The following SKA2 variants were observed in gnomAD, a reference collection of about 807,000 sequenced individuals.
The protein encoded by SKA2 is spindle and kinetochore associated complex subunit 2, also known as spindle and kinetochore-associated protein 2.
Under a neutral mutation model 16.9 loss-of-function variants are expected in SKA2, and 13 were observed. That is an observed-to-expected ratio of 0.77 (90% CI 0.50 to 1.22). SKA2 has a LOEUF of 1.22. SKA2 is among the 50% of genes most tolerant of loss of function. The probability of loss-of-function intolerance (pLI) is 0.00; values close to 1 mark genes in which losing one functional copy is unlikely to be tolerated. For synonymous variants in SKA2, 47 were observed against 48.5 expected (o/e 0.97, Z 0.13); for missense variants, 107 against 139.7 (o/e 0.77, Z 1.18).
chr17:59,154,962 C>T (rs760592346), intron 1 of SKA2, 169 bp downstream of exon 1: 1 of 1,613,914 alleles, frequency 6.2e-7, no homozygotes, highest in Non-Finnish European at 8.5e-7. Flanking sequence ...TTACCCGAGG[C>T]GGTTTAGACA....
intron 1 of SKA2, among the ~76,000 whole-genome samples, chr17:59,146,971 A>G (rs1295415209): frequency 1.3e-5 from 2 of 152,154 alleles, no homozygotes; most frequent in African/African-American, 2.4e-5. Context: ...CACCTAGCCA[A>G]TCTGGGATGG....
chr17:59,127,042 G>A (rs2046376855), intron 2 of SKA2, among the ~76,000 whole-genome samples: 1 of 152,178 alleles, frequency 6.6e-6, no homozygotes, highest in South Asian at 2.1e-4. Flanking sequence ...CTACTTATAT[G>A]AGTCCCTAGA....
chr17:59,116,635 G>T (rs2046298036), intron 3 of SKA2, among the ~76,000 whole-genome samples: 1 of 151,912 alleles, frequency 6.6e-6, no homozygotes, highest in Admixed American at 6.6e-5. Context: ...ATTATAGCAA[G>T]ATAATACCTG....
intron 1 of SKA2, chr17:59,137,754 G>A (rs1374516371): frequency 1.9e-6 from 1 of 523,192 alleles, no homozygotes; most frequent in Non-Finnish European, 3.9e-6. Flanking sequence ...CATACTTTCT[G>A]CAGCCTGCCC....
chr17:59,143,724 C>T (rs756201898), intron 1 of SKA2, among the ~76,000 whole-genome samples: 1 of 152,000 alleles, frequency 6.6e-6, no homozygotes, highest in Non-Finnish European at 1.5e-5. Context: ...CCTCTCGCCA[C>T]GGCCTCCCAA....
intron 2 of SKA2, among the ~76,000 whole-genome samples, chr17:59,121,459 A>G (rs1214692211): frequency 6.6e-6 from 1 of 152,030 alleles, no homozygotes; most frequent in Non-Finnish European, 1.5e-5. Flanking sequence ...GTTCGAGACC[A>G]GCCTGGCCAA....
chr17:59,154,964 G>A (rs776352377), intron 1 of SKA2, 167 bp downstream of exon 1: 1 of 1,613,966 alleles, frequency 6.2e-7, no homozygotes. Context: ...ACCCGAGGCG[G>A]TTTAGACACC....
intron 2 of SKA2, among the ~76,000 whole-genome samples, chr17:59,123,033 A>G (rs981384757): frequency 2.3e-4 from 35 of 150,960 alleles, no homozygotes; most frequent in African/African-American, 7.7e-4. Context: ...AAAAAAAAAA[A>G]AAAAAAGAAA....
At chr17:59,114,339 G>A (rs1245711708) in intron 3 of SKA2, among the ~76,000 whole-genome samples, 1 of 152,152 alleles carries the variant, frequency 6.6e-6, no homozygotes, top group Non-Finnish European at 1.5e-5. Context: ...GAAATGCATC[G>A]TTAGGCAGTT....
In SKA2 at chr17:59,111,457, AAAAT is replaced by A. The variant is rs1394897385; in HGVS notation, c.*816_*819del. 1 of 152,214 alleles carries A rather than the reference AAAAT, an allele frequency of 6.6e-6. No homozygotes were observed. Among genetic ancestry groups the A allele is most frequent in the Non-Finnish European group, 1.5e-5 (1 of 68,044 alleles). 9.4% of individuals were successfully genotyped at this position (152,214 alleles called of 1,614,324 possible). A position where few individuals can be genotyped will look rare whatever the true frequency, so the allele number is the denominator to read the frequency against. ...TTTCCTTATTGCCAATAGTTATTTT[AAAAT>A]AAATAGTTATTTTAAAGGGAAATTG... On this transcript the variant is annotated 3_prime_UTR_variant, in exon 4 of 4. Transcript: ENST00000330137.
chr17:59,114,174 T>TA (rs1190072969), intron 3 of SKA2, among the ~76,000 whole-genome samples: 2 of 152,116 alleles, frequency 1.3e-5, no homozygotes, highest in Non-Finnish European at 2.9e-5. Flanking sequence ...CACTGTTAGT[T>TA]AAAAAATAAA....
At chr17:59,129,217 T>C (rs1486437775) in intron 2 of SKA2, 2 of 152,094 alleles carry the variant, frequency 1.3e-5, no homozygotes, top group Admixed American at 1.3e-4. Context: ...GGTGTGGTGG[T>C]GTGTGCCTAT....
At chr17:59,127,136 A>G (rs1203369635) in intron 2 of SKA2, among the ~76,000 whole-genome samples, 1 of 151,760 alleles carries the variant, frequency 6.6e-6, no homozygotes, top group Non-Finnish European at 1.5e-5. Flanking sequence ...TTTAATGGAT[A>G]TACAGTTACA....
chr17:59,131,146 A>G (rs2091382441), intron 2 of SKA2, 135 bp downstream of exon 2: 1 of 595,738 alleles, frequency 1.7e-6, no homozygotes, highest in African/African-American at 1.9e-5. Context: ...CTTCCAACAC[A>G]ATGCAAGATT....
At chr17:59,127,522 G>A (rs2046379815) in intron 2 of SKA2, among the ~76,000 whole-genome samples, 1 of 152,096 alleles carries the variant, frequency 6.6e-6, no homozygotes, top group Non-Finnish European at 1.5e-5. Flanking sequence ...CCAAGTAGCT[G>A]GGGTTACAGG....
rs1280929273 is a variant in SKA2, at chr17:59,115,793, C to A, written c.298-3448G>T. Among the ~76,000 whole-genome samples the A allele has an allele frequency of 3.3e-5, 5 of 152,138 alleles. 1 individual carries two copies. Among genetic ancestry groups the A allele is most frequent in the Non-Finnish European group, 7.3e-5 (5 of 68,028 alleles). On this transcript the variant is annotated intron_variant, in intron 3 of 3. Coordinates refer to ENST00000330137, the MANE Select transcript of SKA2 (RefSeq NM_182620.4). Reference sequence around the variant, plus strand: ...ATGAATCCACATTGCCCCTTGTGATCACTACAAAAGCTTTCAGACCATCTG... The same window carrying A: ...ATGAATCCACATTGCCCCTTGTGATAACTACAAAAGCTTTCAGACCATCTG...
Position 59,115,048 on chromosome 17 carries a change from T to G in SKA2, c.298-2703A>C, listed in dbSNP as rs560141633. ...ATTTCTTTTCTTCTTTTTTTCGTTC[T>G]TTCTTCCTTTTTTTTTTTTTTTTTA... On this transcript the variant is annotated intron_variant, in intron 3 of 3. Transcript: ENST00000330137. Among the ~76,000 whole-genome samples the G allele has an allele frequency of 4.3e-4, 65 of 151,616 alleles. 1 individual carries two copies. The highest frequency in any genetic ancestry group is 1.5e-3 in the East Asian group (8 of 5,178).
chr17:59,152,552 A>G (rs891324480), intron 1 of SKA2, among the ~76,000 whole-genome samples: 2 of 152,192 alleles, frequency 1.3e-5, no homozygotes, highest in Non-Finnish European at 2.9e-5. Context: ...GGTATTAACA[A>G]AATTAGGATA....
At chr17:59,140,239 T>C (rs2147813755) in intron 1 of SKA2, among the ~76,000 whole-genome samples, 1 of 152,232 alleles carries the variant, frequency 6.6e-6, no homozygotes. Flanking sequence ...AAGCTTTTTT[T>C]TTTTTTTGAG....
Sources: gnomAD v4.1 joint callset for allele counts (sites outside exome capture counted in the v4.1 genomes callset) on GRCh38, gnomAD v4.1.1 for gene constraint, MANE v1.5 for transcripts, NCBI Gene and HGNC (gene_info 2026-07-23, HGNC 2026-07-21) for gene names.